The following WDR86 variants were observed in gnomAD, a reference collection of about 807,000 sequenced individuals.
WDR86 encodes WD repeat domain 86.
WDR86 carries 30 observed loss-of-function variants against 36.5 expected under a neutral mutation model. The observed-to-expected ratio is 0.82, with a 90% confidence interval of 0.61 to 1.11. The LOEUF (loss-of-function observed/expected upper bound fraction) is 1.11. WDR86 is among the 50% of genes most tolerant of loss of function. WDR86 has a pLI of 0.00. For synonymous variants in WDR86, 255 were observed against 252.9 expected (o/e 1.01, Z -0.08); for missense variants, 545 against 561.2 (o/e 0.97, Z 0.29).
Position 151,390,460 on chromosome 7 carries a change from A to T in WDR86, c.727-5237T>A, listed in dbSNP as rs1799342095. On this transcript the variant is annotated intron_variant, in intron 3 of 5. Transcript: ENST00000334493. The surrounding 1 kb of genome is among the most constrained non-coding windows in gnomAD (Gnocchi z 4.5). ...GGGGATGGTACGGCGCCCACCTCCC[A>T]TCCCTTTCCCTCTACACTCGCCTTA... 6.6e-6 allele frequency among the ~76,000 whole-genome samples: 1 copy of T among 151,366 alleles called. No individual in the cohort carries two copies.
rs1326914421 is a variant in WDR86 at position 151,388,751 on chromosome 7, GC to G, written c.727-3529del. 6.6e-6 allele frequency among the ~76,000 whole-genome samples: 1 copy of G among 152,210 alleles called. No individual in the cohort carries two copies. Among genetic ancestry groups the G allele is most frequent in the Non-Finnish European group, 1.5e-5 (1 of 68,024 alleles). ...CAGGCTTCAGGGAAGCAGGGAGGAT[GC>G]TTTGTGGCCACCTGGTCCCCAGGCT... is the stretch of plus-strand genomic sequence containing the variant. On this transcript the variant is annotated intron_variant, in intron 3 of 5. Coordinates refer to ENST00000334493, the MANE Select transcript of WDR86 (RefSeq NM_198285.3). The surrounding 1 kb of genome is among the most constrained non-coding windows in gnomAD (Gnocchi z 4.2).
Position 151,409,784 on chromosome 7 carries a change from G to T in WDR86, c.-195C>A. On this transcript the variant is annotated 5_prime_UTR_variant, in exon 1 of 6. Coordinates refer to ENST00000334493, the MANE Select transcript of WDR86 (RefSeq NM_198285.3). This position sits in a 1 kb window ranked among gnomAD's most constrained non-coding sequence, Gnocchi z 5.2. ...CGCTGCCTCCAGCCTCTGGGCCCGC[G>T]AACCCAGGGCGCTGCGGGGGGCGGC... is the stretch of plus-strand genomic sequence containing the variant. 5.5e-6 allele frequency: 7 copies of T among 1,270,078 alleles called. No individual in the cohort carries two copies. The highest frequency in any genetic ancestry group is 3.0e-4 in the Middle Eastern group (1 of 3,380). The allele number at this position is 1,270,078 out of a possible 1,614,324, so 78.7% of individuals were successfully genotyped here.
At position 151,398,484 on chromosome 7, in the gene WDR86, A is replaced by G. The variant is rs1800045766; in HGVS notation, c.305+1616T>C. 5.2e-5 allele frequency among the ~76,000 whole-genome samples: 4 copies of G among 76,684 alleles called. No individual in the cohort carries two copies. In the South Asian group the frequency reaches 1.3e-3, roughly 26 times the overall value. 50.3% of individuals were successfully genotyped at this position (76,684 alleles called of 152,430 possible). A position where few individuals can be genotyped will look rare whatever the true frequency, so the allele number is the denominator to read the frequency against. On this transcript the variant is annotated intron_variant, in intron 2 of 5. Transcript: ENST00000334493. The stretch of plus-strand genomic sequence containing the variant: ...GCACATGTGTATGTGTAAGGTGTGT[A>G]TGTGTATATGTGTGCGCACGTGTGT...
Position 151,390,741 on chromosome 7 carries a change from C to T in WDR86, c.726+5035G>A, listed in dbSNP as rs77210128. 0.025 allele frequency among the ~76,000 whole-genome samples: 3,875 copies of T among 152,318 alleles called. 74 individuals are homozygous for T. Among genetic ancestry groups the T allele is most frequent in the East Asian group, 0.068 (350 of 5,184 alleles). On this transcript the variant is annotated intron_variant, in intron 3 of 5. Coordinates refer to ENST00000334493, the MANE Select transcript of WDR86 (RefSeq NM_198285.3). This position sits in a 1 kb window ranked among gnomAD's most constrained non-coding sequence, Gnocchi z 4.5. ...AAGGAGGGAATCTCATCACACACCA[C>T]AACACAGACGAACCCTGAAGATCTT...
At chr7:151,407,467 G>A (rs1294370213) in intron 1 of WDR86, among the ~76,000 whole-genome samples, 2 of 152,200 alleles carry the variant, frequency 1.3e-5, no homozygotes, top group Admixed American at 6.5e-5. Context: ...GGGCTAAGCT[G>A]GGCTCCCACA....
Position 151,390,480 on chromosome 7 carries a change from G to A in WDR86, c.727-5257C>T, listed in dbSNP as rs753291636. Among the ~76,000 whole-genome samples, 7 of 152,158 alleles carry A rather than the reference G, an allele frequency of 4.6e-5. No individual in the cohort carries two copies. Among genetic ancestry groups the A allele is most frequent in the Non-Finnish European group, 7.3e-5 (5 of 68,028 alleles). On this transcript the variant is annotated intron_variant, in intron 3 of 5. Transcript: ENST00000334493. This position sits in a 1 kb window ranked among gnomAD's most constrained non-coding sequence, Gnocchi z 4.5. ...CTCCCATCCCTTTCCCTCTACACTC[G>A]CCTTAAGAATCATTTCACTTTGGCA...
At chr7:151,374,032 G>A (rs1003544885), downstream of WDR86, 57 of 1,480,970 alleles carry the variant, frequency 3.8e-5, no homozygotes, top group Admixed American at 1.2e-4. Flanking sequence ...CCTGCAGAGC[G>A]CAGACTGAGA....
At chr7:151,408,203 T>C (rs1376841328) in intron 1 of WDR86, among the ~76,000 whole-genome samples, 2 of 147,328 alleles carry the variant, frequency 1.4e-5, no homozygotes, top group African/African-American at 2.6e-5. Flanking sequence ...TCTTTTCTTT[T>C]TTTTTTTTTT....
At chr7:151,376,595 G>A (rs200208346), downstream of WDR86, 43 of 1,549,502 alleles carry the variant, frequency 2.8e-5, no homozygotes, top group Middle Eastern at 1.9e-4. Context: ...CAGAAGAGGC[G>A]CCAGGGGCTG....
chr7:151,399,868 T>C (rs1490706546), intron 2 of WDR86, among the ~76,000 whole-genome samples: 1 of 152,226 alleles, frequency 6.6e-6, no homozygotes, highest in African/African-American at 2.4e-5. Flanking sequence ...TCAGGCTCTG[T>C]TCAGTGGATG....
chr7:151,393,417 C>T (rs1431678319), intron 3 of WDR86, among the ~76,000 whole-genome samples: 1 of 152,126 alleles, frequency 6.6e-6, no homozygotes, highest in African/African-American at 2.4e-5. Flanking sequence ...TGAGACCCTA[C>T]AGAATACCCC....
intron 1 of WDR86, among the ~76,000 whole-genome samples, chr7:151,402,071 ATAT>A (rs370991904): frequency 2.0e-3 from 93 of 45,482 alleles, no homozygotes; most frequent in East Asian, 6.9e-3. Flanking sequence ...AAAAAAAAAA[ATAT>A]ATATATATAT....
At chr7:151,374,097 G>T, downstream of WDR86, 1 of 1,555,806 alleles carries the variant, frequency 6.4e-7, no homozygotes, top group Non-Finnish European at 8.7e-7. Context: ...TTTCCTAAAG[G>T]AACTGGCCCA....
chr7:151,403,720 C>T (rs1208702896), intron 1 of WDR86, among the ~76,000 whole-genome samples: 5 of 152,184 alleles, frequency 3.3e-5, no homozygotes, highest in Admixed American at 6.5e-5. Flanking sequence ...TTTGTCAAAA[C>T]GCAGGCTAGA....
At chr7:151,402,062 A>T (rs1466030086) in intron 1 of WDR86, among the ~76,000 whole-genome samples, 7 of 75,472 alleles carry the variant, frequency 9.3e-5, no homozygotes, top group Admixed American at 1.2e-4. Context: ...AAAAAAAAAA[A>T]AAAAAAAAAT....
chr7:151,399,446 C>T (rs1203877685), intron 2 of WDR86, among the ~76,000 whole-genome samples: 2 of 152,200 alleles, frequency 1.3e-5, no homozygotes, highest in African/African-American at 4.8e-5. Context: ...CTCCAGGCAG[C>T]GCCCCTCCTC....
chr7:151,405,154 T>G lies in WDR86; in HGVS notation c.163+4273A>C, dbSNP rs1800618389. 6.6e-6 allele frequency among the ~76,000 whole-genome samples: 1 copy of G among 152,126 alleles called. No homozygotes were observed. The highest frequency in any genetic ancestry group is 1.5e-5 in the Non-Finnish European group (1 of 68,020). On this transcript the variant is annotated intron_variant, in intron 1 of 5. Transcript: ENST00000334493. The surrounding 1 kb of genome is among the most constrained non-coding windows in gnomAD (Gnocchi z 4.7). Reference sequence around the variant, plus strand: ...TTCCACCCTGCCACCGCCATCTGCATGGACTTCACAGTGGGCTCACTCTTA... The same window carrying G: ...TTCCACCCTGCCACCGCCATCTGCAGGGACTTCACAGTGGGCTCACTCTTA...
At position 151,381,861 on chromosome 7, in the gene WDR86, A is replaced by G. The variant is rs761890902; in HGVS notation, c.966+17T>C. ...CCTCCCACGGGCGGCGGCCCCGAGA[A>G]GGGCAGAGGGACCTACCTGGATGCA... On this transcript the variant is annotated intron_variant, in intron 5 of 5. Coordinates refer to ENST00000334493, the MANE Select transcript of WDR86 (RefSeq NM_198285.3). The surrounding 1 kb of genome is among the most constrained non-coding windows in gnomAD (Gnocchi z 4.8). 1.6e-5 allele frequency: 26 copies of G among 1,597,574 alleles called. No individual in the cohort carries two copies. Among genetic ancestry groups the G allele is most frequent in the Middle Eastern group, 1.7e-4 (1 of 6,060 alleles).
rs1801088949 is a variant in WDR86 at position 151,409,920 on chromosome 7, G to A, written c.-331C>T. 5 of 1,089,700 alleles carry A rather than the reference G, an allele frequency of 4.6e-6. No individual in the cohort carries two copies. Among genetic ancestry groups the A allele is most frequent in the South Asian group, 8.9e-5 (2 of 22,558 alleles). 67.5% of individuals were successfully genotyped at this position (1,089,700 alleles called of 1,614,324 possible). On this transcript the variant is annotated 5_prime_UTR_variant, in exon 1 of 6. It adds an upstream start codon to the 5' untranslated region. Coordinates refer to ENST00000334493, the MANE Select transcript of WDR86 (RefSeq NM_198285.3). This position sits in a 1 kb window ranked among gnomAD's most constrained non-coding sequence, Gnocchi z 5.2. ...CCCACCGGGCGAACAAGGCAGCTGC[G>A]TCTCTGGTGCACAAGGAGCCCCCCG...
Sources: allele counts gnomAD v4.1 joint callset (sites outside exome capture counted in the v4.1 genomes callset), GRCh38; gene constraint gnomAD v4.1.1; non-coding constraint Gnocchi (gnomAD v3.1); transcripts MANE v1.5; gene names NCBI Gene and HGNC (gene_info 2026-07-23, HGNC 2026-07-21).